The following ROBO1 variants were observed in gnomAD, a reference collection of about 807,000 sequenced individuals.
ROBO1 encodes the protein roundabout homolog 1.
Under a neutral mutation model 195.9 loss-of-function variants are expected in ROBO1, and 149 were observed. The ratio of observed to expected loss-of-function variants is 0.76; its 90% CI spans 0.67 to 0.87. The LOEUF is 0.87. Among genes scored for constraint, ROBO1 ranks in the 40% least tolerant of loss-of-function variants. The probability of loss-of-function intolerance (pLI) is 0.00; values close to 1 mark genes in which losing one functional copy is unlikely to be tolerated. For synonymous variants in ROBO1, 816 were observed against 733.2 expected (o/e 1.11, Z -1.82); for missense variants, 1,933 against 2,068.3 (o/e 0.93, Z 1.27).
chr3:79,467,253 G>C (rs1938011319), intron 2 of ROBO1, among the ~76,000 whole-genome samples: 1 of 151,884 alleles, frequency 6.6e-6, no homozygotes, highest in Admixed American at 6.6e-5. Context: ...AACTGTTCTT[G>C]GTTTACTTTG....
At chr3:78,945,031 T>A (rs1285502767) in intron 3 of ROBO1, among the ~76,000 whole-genome samples, 1 of 152,172 alleles carries the variant, frequency 6.6e-6, no homozygotes, top group Non-Finnish European at 1.5e-5. Context: ...AAGCTCAAAC[T>A]GGGTGAAGCC....
intron 2 of ROBO1, among the ~76,000 whole-genome samples, chr3:79,345,624 C>T (rs538474978): frequency 1.3e-5 from 2 of 152,246 alleles, no homozygotes; most frequent in East Asian, 3.9e-4. Context: ...AAGACCCACA[C>T]CGTTTTTGCT....
At chr3:79,560,558 T>TACACAC (rs373504742) in intron 2 of ROBO1, among the ~76,000 whole-genome samples, 1 of 129,702 alleles carries the variant, frequency 7.7e-6, no homozygotes, top group Non-Finnish European at 1.6e-5. Flanking sequence ...TATATATATA[T>TACACAC]ACACATACAC....
intron 19 of ROBO1, among the ~76,000 whole-genome samples, chr3:78,649,404 C>A (rs1037243762): frequency 1.3e-5 from 2 of 152,008 alleles, no homozygotes; most frequent in Admixed American, 6.6e-5. Context: ...CTAAGTGATG[C>A]GGGTGCAATA....
At chr3:79,347,396 T>G (rs2035163928) in intron 2 of ROBO1, among the ~76,000 whole-genome samples, 1 of 152,154 alleles carries the variant, frequency 6.6e-6, no homozygotes. Context: ...CTGAAAATAT[T>G]TCTGATGACA....
chr3:79,492,240 C>T (rs1458710962), intron 2 of ROBO1, among the ~76,000 whole-genome samples: 1 of 151,956 alleles, frequency 6.6e-6, no homozygotes, highest in Non-Finnish European at 1.5e-5. Context: ...GCCTGATCAA[C>T]GTGGTGAAAC....
chr3:79,743,645 T>C (rs546953581), intron 1 of ROBO1, among the ~76,000 whole-genome samples: 2 of 152,362 alleles, frequency 1.3e-5, no homozygotes, highest in South Asian at 4.1e-4. Flanking sequence ...GTAACAACAT[T>C]TAGCTTAAAC....
intron 3 of ROBO1, among the ~76,000 whole-genome samples, chr3:79,055,712 GT>G (rs1416288807): frequency 6.6e-6 from 1 of 152,036 alleles, no homozygotes; most frequent in Non-Finnish European, 1.5e-5. Flanking sequence ...CTCGGTCTCG[GT>G]CCAAAACATG....
At chr3:79,028,927 G>A (rs2078248021) in intron 3 of ROBO1, among the ~76,000 whole-genome samples, 1 of 151,922 alleles carries the variant, frequency 6.6e-6, no homozygotes, top group Non-Finnish European at 1.5e-5. Context: ...TTTAGTAAGG[G>A]CAATAAATTA....
chr3:79,292,758 T>C (rs2032333425), intron 2 of ROBO1, among the ~76,000 whole-genome samples: 1 of 152,222 alleles, frequency 6.6e-6, no homozygotes. Context: ...CTTGTTGATG[T>C]GCTGCTGGAT....
At chr3:79,154,849 G>A (rs569922001) in intron 2 of ROBO1, among the ~76,000 whole-genome samples, 19 of 151,782 alleles carry the variant, frequency 1.3e-4, no homozygotes, top group East Asian at 9.7e-4. Context: ...ATGTTAGGGC[G>A]GAAATTTGTT....
chr3:78,974,120 C>A (rs1410913665), intron 3 of ROBO1, among the ~76,000 whole-genome samples: 1 of 151,992 alleles, frequency 6.6e-6, no homozygotes, highest in East Asian at 1.9e-4. Flanking sequence ...CCAACTTATA[C>A]CTAAATTACT....
intron 2 of ROBO1, among the ~76,000 whole-genome samples, chr3:79,376,752 T>C (rs938399745): frequency 1.3e-5 from 2 of 152,208 alleles, no homozygotes; most frequent in African/African-American, 4.8e-5. Context: ...ATATCTTTAT[T>C]AGCAGCAAGA....
chr3:79,748,297 A>G (rs1703960925), intron 1 of ROBO1, among the ~76,000 whole-genome samples: 1 of 152,220 alleles, frequency 6.6e-6, no homozygotes, highest in Non-Finnish European at 1.5e-5. Context: ...AATAATGAAC[A>G]AAAGGGACGC....
chr3:79,259,781 C>T lies in ROBO1; in HGVS notation c.89-134242G>A, dbSNP rs186739446. Among the ~76,000 whole-genome samples the T allele has an allele frequency of 1.3e-3, 192 of 152,226 alleles. 1 individual carries two copies. The highest frequency in any genetic ancestry group is 4.5e-3 in the African/African-American group (188 of 41,556). ...ATTTAAATCGACATTTCTCAAATTA[C>T]CCACTGTGTGTACTGACCTTCACTT... On this transcript the variant is annotated intron_variant, in intron 2 of 30. Transcript: ENST00000464233.
At chr3:78,797,091 C>T (rs1344789144) in intron 4 of ROBO1, among the ~76,000 whole-genome samples, 1 of 152,134 alleles carries the variant, frequency 6.6e-6, no homozygotes, top group Non-Finnish European at 1.5e-5. Context: ...GATTTTCTAA[C>T]TTTCTAAAAC....
chr3:78,610,465 C>A (rs367733532), intron 28 of ROBO1, among the ~76,000 whole-genome samples: 1 of 152,064 alleles, frequency 6.6e-6, no homozygotes, highest in East Asian at 1.9e-4. Context: ...GAACATACCA[C>A]GAAGCAGAGA....
chr3:78,803,630 C>T (rs1192055614), intron 4 of ROBO1, among the ~76,000 whole-genome samples: 1 of 151,916 alleles, frequency 6.6e-6, no homozygotes. Context: ...GAGACAGTTC[C>T]ATGAAACAAC....
intron 2 of ROBO1, among the ~76,000 whole-genome samples, chr3:79,516,106 A>G (rs1466007176): frequency 1.3e-5 from 2 of 151,488 alleles, no homozygotes; most frequent in African/African-American, 4.9e-5. Context: ...GCATATGAAG[A>G]AAAAAAAAGG....
Sources: gnomAD v4.1 joint callset for allele counts (sites outside exome capture counted in the v4.1 genomes callset) on GRCh38, gnomAD v4.1.1 for gene constraint, MANE v1.5 for transcripts, NCBI Gene and HGNC (gene_info 2026-07-23, HGNC 2026-07-21) for gene names.